STARD9: variants seen among roughly 807,000 people sequenced by gnomAD.
The protein encoded by STARD9 is stAR-related lipid transfer protein 9.
In STARD9, 346 loss-of-function variants were observed where a neutral mutation model predicts 399.8. That is an observed-to-expected ratio of 0.87 (90% CI 0.79 to 0.95). STARD9 has a LOEUF of 0.95. Among genes scored for constraint, STARD9 ranks in the 40% least tolerant of loss-of-function variants. STARD9 has a pLI of 0.00. For missense variants in STARD9, 5,832 were observed against 5,667.5 expected (o/e 1.03, Z -0.93); for synonymous variants, 2,203 against 2,143.5 (o/e 1.03, Z -0.77).
intron 7 of STARD9, among the ~76,000 whole-genome samples, chr15:42,648,449 C>T (rs919662385): frequency 4.6e-5 from 7 of 152,166 alleles, no homozygotes; most frequent in African/African-American, 1.7e-4. Flanking sequence ...AGGCATGAGC[C>T]CCCATACCCA....
chr15:42,589,822 G>A (rs541447268), intron 3 of STARD9, among the ~76,000 whole-genome samples: 1 of 151,454 alleles, frequency 6.6e-6, no homozygotes, highest in South Asian at 2.1e-4. Flanking sequence ...GGCCAGCCTG[G>A]TCTCAAACTC....
intron 9 of STARD9, among the ~76,000 whole-genome samples, chr15:42,660,561 G>A (rs1324030029): frequency 5.4e-5 from 8 of 149,308 alleles, no homozygotes; most frequent in Admixed American, 1.3e-4. Context: ...GCAAAACTCC[G>A]GCTCAAAAAA....
At chr15:42,695,395 G>A (rs916518623) in intron 25 of STARD9, 72 bp downstream of exon 25, 103 of 1,362,448 alleles carry the variant, frequency 7.6e-5, no homozygotes, top group Non-Finnish European at 9.4e-5. Context: ...CACCGTGGCC[G>A]CCTCTGAGTC....
At chr15:42,662,944 T>A (rs971332172) in intron 11 of STARD9, 53 bp downstream of exon 11, 18 of 1,300,526 alleles carry the variant, frequency 1.4e-5, no homozygotes, top group Non-Finnish European at 1.7e-5. Context: ...AAATAACTCA[T>A]GTTTTCATTT....
intron 3 of STARD9, among the ~76,000 whole-genome samples, chr15:42,591,778 G>A (rs2058400415): frequency 6.6e-6 from 1 of 152,218 alleles, no homozygotes; most frequent in South Asian, 2.1e-4. Flanking sequence ...ACCAACTAGG[G>A]ACTACTAGAG....
intron 26 of STARD9, among the ~76,000 whole-genome samples, chr15:42,701,481 G>A (rs1478449534): frequency 6.6e-6 from 1 of 151,956 alleles, no homozygotes; most frequent in Non-Finnish European, 1.5e-5. Context: ...TATTCCTAGG[G>A]ACTTTATTTT....
At chr15:42,675,102 A>C (rs2060282456) in intron 18 of STARD9, 138 bp downstream of exon 18, 1 of 944,574 alleles carries the variant, frequency 1.1e-6, no homozygotes, top group Non-Finnish European at 1.5e-6. Flanking sequence ...AAGATTTTCT[A>C]ATATGATCCT....
chr15:42,636,912 A>G (rs1375853907), intron 4 of STARD9, among the ~76,000 whole-genome samples: 2 of 151,782 alleles, frequency 1.3e-5, no homozygotes, highest in Non-Finnish European at 2.9e-5. Flanking sequence ...CTAAAAATAC[A>G]AATTAGCCAG....
intron 25 of STARD9, 32 bp from the exon 26 acceptor site, chr15:42,695,711 G>A (rs28448326): frequency 2.6e-6 from 4 of 1,528,714 alleles, no homozygotes; most frequent in Non-Finnish European, 3.5e-6. Context: ...GGGTGCATCA[G>A]AAGCTGGTTA....
chr15:42,702,821 A>C (rs1248110756), intron 26 of STARD9, among the ~76,000 whole-genome samples: 3 of 152,136 alleles, frequency 2.0e-5, no homozygotes, highest in Non-Finnish European at 2.9e-5. Flanking sequence ...TTCTTGGTTG[A>C]TGTTTTTTTC....
chr15:42,635,260 C>CA (rs199906714), intron 4 of STARD9, among the ~76,000 whole-genome samples: 14,512 of 99,764 alleles, frequency 0.15, 907 homozygotes, highest in East Asian at 0.24. Flanking sequence ...AACTCCATCT[C>CA]AAAAAAAAAA....
At chr15:42,701,549 T>C (rs938331532) in intron 26 of STARD9, among the ~76,000 whole-genome samples, 2 of 152,210 alleles carry the variant, frequency 1.3e-5, no homozygotes, top group Non-Finnish European at 2.9e-5. Context: ...TAGTTTGCTT[T>C]TGGTCTATAG....
intron 26 of STARD9, among the ~76,000 whole-genome samples, chr15:42,711,771 T>A (rs1481976828): frequency 6.6e-6 from 1 of 151,868 alleles, no homozygotes; most frequent in Non-Finnish European, 1.5e-5. Context: ...TACTAATGAA[T>A]ATTGCTGCTA....
chr15:42,587,869 C>G (rs1158487198), intron 3 of STARD9, among the ~76,000 whole-genome samples: 4 of 152,056 alleles, frequency 2.6e-5, no homozygotes, highest in Non-Finnish European at 5.9e-5. Context: ...CAGGGTGGCC[C>G]TTGATTTTTT....
chr15:42,609,003 G>C lies in STARD9; in HGVS notation c.234+23366G>C, dbSNP rs533522631. On this transcript the variant is annotated intron_variant, in intron 3 of 32. Coordinates refer to ENST00000290607, the MANE Select transcript of STARD9 (RefSeq NM_020759.3). ...CCCAGCTTCAGCCTTAGATGTGTGA[G>C]ATCCTCTTTCCTCTTTGGTACCTCA... 5.3e-5 allele frequency among the ~76,000 whole-genome samples: 8 copies of C among 152,248 alleles called. No homozygotes were observed. In the East Asian group the frequency reaches 1.5e-3, roughly 29 times the overall value.
chr15:42,712,597 T>C (rs1053421424), intron 26 of STARD9, among the ~76,000 whole-genome samples: 1 of 152,198 alleles, frequency 6.6e-6, no homozygotes, highest in African/African-American at 2.4e-5. Context: ...TGAATTGTCT[T>C]GGCACCCTTG....
chr15:42,697,485 C>T (rs1221305784), intron 26 of STARD9, among the ~76,000 whole-genome samples: 3 of 151,904 alleles, frequency 2.0e-5, no homozygotes, highest in Non-Finnish European at 4.4e-5. Context: ...ATAATATATT[C>T]ATATAGTAGA....
At chr15:42,585,365 G>A (rs1032871719) in intron 2 of STARD9, among the ~76,000 whole-genome samples, 156 bp from the exon 3 acceptor site, 14 of 152,178 alleles carry the variant, frequency 9.2e-5, no homozygotes, top group African/African-American at 3.4e-4. Flanking sequence ...CTAATAAGAT[G>A]GAGAGAAAGA....
chr15:42,703,445 C>T (rs1009297496), intron 26 of STARD9, among the ~76,000 whole-genome samples: 5 of 151,496 alleles, frequency 3.3e-5, no homozygotes, highest in Admixed American at 6.6e-5. Context: ...CCCACTGCAG[C>T]CTCCGCCTCC....
Sources: gnomAD v4.1 joint callset for allele counts (sites outside exome capture counted in the v4.1 genomes callset) on GRCh38, gnomAD v4.1.1 for gene constraint, MANE v1.5 for transcripts, NCBI Gene and HGNC (gene_info 2026-07-23, HGNC 2026-07-21) for gene names.